CLPTM1L: variants seen among roughly 807,000 people sequenced by gnomAD.
CLPTM1L encodes CLPTM1 like.
CLPTM1L carries 38 observed loss-of-function variants against 70.9 expected under a neutral mutation model. The observed-to-expected ratio is 0.54, with a 90% CI of 0.41 to 0.70. The LOEUF is 0.70. Ranked by LOEUF, CLPTM1L falls within the 30% of genes least tolerant of loss-of-function variation. The probability of loss-of-function intolerance (pLI) is 0.00; values close to 1 mark genes in which losing one functional copy is unlikely to be tolerated. For missense variants in CLPTM1L, 652 were observed against 705.9 expected (o/e 0.92, Z 0.87); for synonymous variants, 339 against 299.9 (o/e 1.13, Z -1.35).
intron 5 of CLPTM1L, among the ~76,000 whole-genome samples, chr5:1,336,020 A>C (rs1413742102): frequency 6.6e-6 from 1 of 152,192 alleles, no homozygotes; most frequent in East Asian, 1.9e-4. Context: ...TATGGCGGGC[A>C]CTGCTGGTGT....
intron 16 of CLPTM1L, among the ~76,000 whole-genome samples, chr5:1,319,461 C>G (rs2126715291): frequency 6.6e-6 from 1 of 152,314 alleles, no homozygotes; most frequent in East Asian, 1.9e-4. Flanking sequence ...TTAAACCAGG[C>G]AGAACCATGC....
At chr5:1,326,135 G>A (rs185196960) in intron 9 of CLPTM1L, 3 of 366,370 alleles carry the variant, frequency 8.2e-6, no homozygotes, top group Non-Finnish European at 1.5e-5. Context: ...CCTGCCACTC[G>A]GGCAGCCCTG....
intron 4 of CLPTM1L, 75 bp from the exon 5 acceptor site, chr5:1,338,057 T>C: frequency 8.0e-7 from 1 of 1,252,934 alleles, no homozygotes. Flanking sequence ...ATCCAGACAC[T>C]GGGTTTACCC....
At chr5:1,337,583 T>G (rs944477588) in intron 5 of CLPTM1L, among the ~76,000 whole-genome samples, 1 of 152,244 alleles carries the variant, frequency 6.6e-6, no homozygotes, top group African/African-American at 2.4e-5. Flanking sequence ...ACGCAGACGC[T>G]GTTTCACACG....
intron 3 of CLPTM1L, 149 bp from the exon 4 acceptor site, chr5:1,339,154 A>C: frequency 1.1e-6 from 1 of 891,878 alleles, no homozygotes; most frequent in South Asian, 1.7e-5. Context: ...ACCTGTGAAG[A>C]GATGGCCACA....
At chr5:1,344,016 T>C (rs1039451607) in intron 2 of CLPTM1L, among the ~76,000 whole-genome samples, 16 of 152,240 alleles carry the variant, frequency 1.1e-4, no homozygotes, top group African/African-American at 3.9e-4. Flanking sequence ...AAAAGACAAG[T>C]TGGTCCCCGG....
In CLPTM1L at chr5:1,344,709, G is replaced by T; in HGVS notation, c.133C>A (p.Pro45Thr). 1 of 1,583,632 alleles carries T rather than the reference G, an allele frequency of 6.3e-7. No homozygotes were observed. The highest frequency in any genetic ancestry group is 8.6e-7 in the Non-Finnish European group (1 of 1,166,676). Residue 45 changes from proline (P) to threonine (T), a missense_variant, in exon 1 of 17, where the codon CCC (proline) becomes ACC (threonine). By Grantham distance (38) the Pro-to-Thr change is conservative. Transcript: ENST00000320895. ...AGCTTGGGCCGCCGCGCCAGGTAGG[G>T]CTGGATGCAGTTGGCGTCGCCGGAG... ...PCSGDANCIQPYLARRPKLQL... is the reference protein window; with the variant it reads ...PCSGDANCIQTYLARRPKLQL...
At position 1,341,708 on chromosome 5, in the gene CLPTM1L, T is replaced by C. The variant is rs893729101; in HGVS notation, c.416A>G (p.Glu139Gly). The C allele has an allele frequency of 3.1e-6, 5 of 1,612,312 alleles. No homozygotes were observed. The highest frequency in any genetic ancestry group is 2.7e-5 in the African/African-American group (2 of 74,898). The change falls in exon 3 of 17, where the codon GAA becomes GGA. Residue 139 changes from glutamate to glycine, a missense_variant. By Grantham distance (98) the Glu-to-Gly change is moderately conservative. This residue lies in a region of CLPTM1L where 402 missense variants were observed against 388.2 expected (regional missense o/e 1.04). Transcript: ENST00000320895. Reference sequence around the variant, plus strand: ...CTCCCCGGTGAGCAGGTTGATTTCTTCTGGCTTGGGGACCATGTAGGTGGT... The same window carrying C: ...CTCCCCGGTGAGCAGGTTGATTTCTCCTGGCTTGGGGACCATGTAGGTGGT... ...PLTTYMVPKP[E>G]EINLLTGESD...
At position 1,339,024 on chromosome 5, in the gene CLPTM1L, A is replaced by G. The variant is rs1232174482; in HGVS notation, c.454-19T>C. 2 of 1,609,382 alleles carry G rather than the reference A, an allele frequency of 1.2e-6. No homozygotes were observed. Among genetic ancestry groups the G allele is most frequent in the Non-Finnish European group, 1.7e-6 (2 of 1,177,050 alleles). On this transcript the variant is annotated intron_variant, in intron 3 of 16. Coordinates refer to ENST00000320895, the MANE Select transcript of CLPTM1L (RefSeq NM_030782.5). ...CGATCTGCTGTTAAGTGAGGAAAAC[A>G]GAGGCCAATGCTGGGACAGAAAACC...
Position 1,345,017 on chromosome 5 carries a change from A to C in CLPTM1L, c.-176T>G. 5.0e-6 allele frequency: 1 copy of C among 200,674 alleles called. No homozygotes were observed. Among genetic ancestry groups the C allele is most frequent in the Non-Finnish European group, 8.8e-6 (1 of 114,096 alleles). The allele number at this position is 200,674 out of a possible 1,614,324, so 12.4% of individuals were successfully genotyped here. On this transcript the variant is annotated 5_prime_UTR_variant, in exon 1 of 17. An upstream start codon of the reference 5' UTR is lost. Coordinates refer to ENST00000320895, the MANE Select transcript of CLPTM1L (RefSeq NM_030782.5). ...CGCCGCAGACCGCCGGCCGCCCCGC[A>C]TGCTCCGGCCCCGCTCCCACCTGGC...
At chr5:1,341,471 T>A (rs554615313) in intron 3 of CLPTM1L, among the ~76,000 whole-genome samples, 200 bp downstream of exon 3, 1 of 152,316 alleles carries the variant, frequency 6.6e-6, no homozygotes, top group East Asian at 1.9e-4. Flanking sequence ...TCCCTAATTT[T>A]AGATAAAACT....
In CLPTM1L at chr5:1,318,395, C is replaced by G; in HGVS notation, c.1591G>C (p.Ala531Pro). Residue 531 changes from alanine to proline, a missense_variant, in exon 17 of 17, where the codon GCC (alanine) becomes CCC (proline). By Grantham distance (27) the Ala-to-Pro change is conservative. Transcript: ENST00000320895. This position sits in a 1 kb window ranked among gnomAD's most constrained non-coding sequence, Gnocchi z 8.9. ...NEFGESYEEK[A>P]TRAPHTD The stretch of plus-strand genomic sequence containing the variant: ...CAGTCCGTGTGGGGCGCCCGCGTGG[C>G]CTTCTCCTCGTAGGACTCCCCAAAC... 6.2e-7 allele frequency: 1 copy of G among 1,613,820 alleles called. No homozygotes were observed. The highest frequency in any genetic ancestry group is 1.7e-5 in the Admixed American group (1 of 60,028).
chr5:1,318,345 G>A lies in CLPTM1L; in HGVS notation c.*24C>T, dbSNP rs1466258776. The A allele has an allele frequency of 1.3e-6, 2 of 1,598,552 alleles. No homozygotes were observed. The highest frequency in any genetic ancestry group is 2.2e-5 in the East Asian group (1 of 44,746). On this transcript the variant is annotated 3_prime_UTR_variant, in exon 17 of 17. Transcript: ENST00000320895. This position sits in a 1 kb window ranked among gnomAD's most constrained non-coding sequence, Gnocchi z 8.9. ...CTCATTGACAATTCAAGTTGCACTT[G>A]GCTGGCGGCAGCCCGGGCGGCCTTC...
intron 16 of CLPTM1L, 55 bp downstream of exon 16, chr5:1,320,561 C>A: frequency 1.0e-6 from 1 of 970,744 alleles, no homozygotes. Context: ...TTCCGTTCAG[C>A]AGCAGCCACG....
intron 9 of CLPTM1L, 107 bp downstream of exon 9, chr5:1,330,173 G>T: frequency 1.1e-6 from 1 of 888,640 alleles, no homozygotes; most frequent in Non-Finnish European, 1.8e-6. Context: ...TCGGGAACAA[G>T]CACACAGGCT....
In CLPTM1L at chr5:1,344,445, C is replaced by T. The variant is rs1228155745; in HGVS notation, c.169G>A (p.Val57Met). 6.2e-7 allele frequency: 1 copy of T among 1,613,262 alleles called. No individual in the cohort carries two copies. Among genetic ancestry groups the T allele is most frequent in the Non-Finnish European group, 8.5e-7 (1 of 1,179,586 alleles). Residue 57 changes from valine to methionine, a missense_variant, in exon 2 of 17, where the codon GTG becomes ATG. Val to Met is a conservative substitution (Grantham distance 21). This residue lies in a region of CLPTM1L where 402 missense variants were observed against 388.2 expected (regional missense o/e 1.04). Transcript: ENST00000320895. ...AGGTGGGACCTCGTCGTGGTGTACA[C>T]GCTCAGCTGGAAAGGAGGGGGCGTC... ...LARRPKLQLS[V>M]YTTTRSHLGA...
At chr5:1,343,957 C>T (rs1216793501) in intron 2 of CLPTM1L, among the ~76,000 whole-genome samples, 1 of 152,238 alleles carries the variant, frequency 6.6e-6, no homozygotes, top group Non-Finnish European at 1.5e-5. Flanking sequence ...TTCCTCTATC[C>T]TCATCTCTTT....
chr5:1,324,626 T>G, intron 11 of CLPTM1L, 137 bp downstream of exon 11: 1 of 856,224 alleles, frequency 1.2e-6, no homozygotes, highest in Non-Finnish European at 1.9e-6. Flanking sequence ...ATGTGTTCAC[T>G]CTTGGGATCC....
intron 9 of CLPTM1L, among the ~76,000 whole-genome samples, chr5:1,329,289 T>A (rs1393606508): frequency 6.6e-6 from 1 of 152,256 alleles, no homozygotes; most frequent in Non-Finnish European, 1.5e-5. Context: ...AGTGCCTACC[T>A]GGCCGCTGTG....
Sources: gnomAD v4.1 joint callset for allele counts (sites outside exome capture counted in the v4.1 genomes callset) on GRCh38, gnomAD v4.1.1 for gene constraint, gnomAD v4.1.1 regional missense constraint, Gnocchi (gnomAD v3.1) non-coding constraint, MANE v1.5 for transcripts, NCBI Gene and HGNC (gene_info 2026-07-23, HGNC 2026-07-21) for gene names.